The following ROBO1 variants were observed in gnomAD, a reference collection of about 807,000 sequenced individuals.
The protein encoded by ROBO1 is roundabout guidance receptor 1.
ROBO1 carries 149 observed loss-of-function variants against 195.9 expected under a neutral mutation model. The ratio of observed to expected loss-of-function variants is 0.76; its 90% CI spans 0.67 to 0.87. The LOEUF (loss-of-function observed/expected upper bound fraction) is 0.87. Among genes scored for constraint, ROBO1 ranks in the 40% least tolerant of loss-of-function variants. The pLI is 0.00. For missense variants in ROBO1, 1,933 were observed against 2,068.3 expected, an observed-to-expected ratio of 0.93 and a Z score of 1.27; for synonymous variants, 816 against 733.2, an observed-to-expected ratio of 1.11 and a Z score of -1.82.
chr3:79,424,329 C>A (rs1257794950), intron 2 of ROBO1, among the ~76,000 whole-genome samples: 2 of 152,096 alleles, frequency 1.3e-5, no homozygotes, highest in African/African-American at 4.8e-5. Flanking sequence ...ACATTTGAGA[C>A]TGTTTCACAC....
intron 4 of ROBO1, among the ~76,000 whole-genome samples, chr3:78,842,139 G>GT (rs34583257): frequency 0.13 from 8,381 of 62,314 alleles, 1,920 homozygotes; most frequent in African/African-American, 0.16. Flanking sequence ...TCGCCAATTT[G>GT]TTTTTTTTTT....
At chr3:79,636,397 T>A (rs7433361) in intron 1 of ROBO1, among the ~76,000 whole-genome samples, 87,201 of 151,566 alleles carry the variant, frequency 0.58, 25,339 homozygotes, top group South Asian at 0.67. Flanking sequence ...ATTGACATCA[T>A]TTTTAACAAG....
chr3:79,256,858 G>A (rs1044185882), intron 2 of ROBO1, among the ~76,000 whole-genome samples: 83 of 152,172 alleles, frequency 5.5e-4, no homozygotes, highest in African/African-American at 1.9e-3. Flanking sequence ...TGTAATTTTT[G>A]CTGTGCACTG....
At chr3:79,426,768 C>G (rs1273368708) in intron 2 of ROBO1, among the ~76,000 whole-genome samples, 4 of 151,980 alleles carry the variant, frequency 2.6e-5, no homozygotes, top group Non-Finnish European at 5.9e-5. Flanking sequence ...GACAGGAAAA[C>G]CATCTAAGGT....
chr3:79,468,074 T>G (rs1938067319), intron 2 of ROBO1, among the ~76,000 whole-genome samples: 1 of 152,196 alleles, frequency 6.6e-6, no homozygotes, highest in African/African-American at 2.4e-5. Flanking sequence ...GTTTACTACT[T>G]CTAGAAGCTT....
At chr3:79,119,125 T>G (rs1030005967) in intron 3 of ROBO1, among the ~76,000 whole-genome samples, 2 of 152,158 alleles carry the variant, frequency 1.3e-5, no homozygotes, top group Non-Finnish European at 2.9e-5. Flanking sequence ...AAAGTGCTAA[T>G]GAGAAACTTT....
At chr3:79,745,260 T>C (rs1222000668) in intron 1 of ROBO1, among the ~76,000 whole-genome samples, 1 of 152,208 alleles carries the variant, frequency 6.6e-6, no homozygotes, top group Non-Finnish European at 1.5e-5. Flanking sequence ...ATGTATGAGA[T>C]GTAACATCTA....
chr3:78,846,106 T>C (rs577414835), intron 4 of ROBO1, among the ~76,000 whole-genome samples: 1 of 152,186 alleles, frequency 6.6e-6, no homozygotes, highest in African/African-American at 2.4e-5. Flanking sequence ...ACTAGGGAGA[T>C]GGTAAGAAAG....
chr3:78,731,016 G>A (rs1468289036), intron 5 of ROBO1, among the ~76,000 whole-genome samples: 2 of 151,918 alleles, frequency 1.3e-5, no homozygotes, highest in Non-Finnish European at 2.9e-5. Flanking sequence ...TTAACTCATG[G>A]ACAAATAAGA....
intron 8 of ROBO1, among the ~76,000 whole-genome samples, chr3:78,706,816 A>G (rs1297631278): frequency 6.6e-6 from 1 of 152,148 alleles, no homozygotes; most frequent in East Asian, 1.9e-4. Context: ...AAAAGGCAAA[A>G]TAAGTAGGAT....
At chr3:79,756,026 C>G (rs1291969534) in intron 1 of ROBO1, among the ~76,000 whole-genome samples, 1 of 152,186 alleles carries the variant, frequency 6.6e-6, no homozygotes, top group Non-Finnish European at 1.5e-5. Flanking sequence ...CTCACCAGCT[C>G]TCATATCCAG....
rs1705808355 is a variant in ROBO1 at position 78,639,724 on chromosome 3, G to C, written c.3037+20C>G. On this transcript the variant is annotated intron_variant, in intron 22 of 30. Coordinates refer to ENST00000464233, the MANE Select transcript of ROBO1 (RefSeq NM_002941.4). ...TCCTTAAAAAGCTTATACATATCAG[G>C]CTCTCTCTGTGTCCCTAACCTGGGC... 14 of 1,604,180 alleles carry C rather than the reference G, an allele frequency of 8.7e-6. No individual in the cohort carries two copies. Among genetic ancestry groups the C allele is most frequent in the Non-Finnish European group, 1.1e-5 (13 of 1,173,608 alleles).
intron 2 of ROBO1, among the ~76,000 whole-genome samples, chr3:79,259,822 G>C (rs34675096): frequency 0.031 from 4,700 of 152,110 alleles, 101 homozygotes; most frequent in Non-Finnish European, 0.048. Context: ...AATAAAACAT[G>C]ATAATCTGCT....
In ROBO1 at chr3:79,264,657, T is replaced by C. The variant is rs1253790153; in HGVS notation, c.89-139118A>G. ...AAAAATATGTTCCTCACCTCAGGAA[T>C]AGGATACTTGACTAAAGTAGGGAAG... is the stretch of plus-strand genomic sequence containing the variant. On this transcript the variant is annotated intron_variant, in intron 2 of 30. Transcript: ENST00000464233. Among the ~76,000 whole-genome samples, 3 of 152,068 alleles carry C rather than the reference T, an allele frequency of 2.0e-5. No homozygotes were observed. The East Asian group carries it at 5.8e-4, about 29-fold the overall frequency.
At chr3:79,483,413 C>T (rs939173348) in intron 2 of ROBO1, among the ~76,000 whole-genome samples, 2 of 152,082 alleles carry the variant, frequency 1.3e-5, no homozygotes, top group African/African-American at 4.8e-5. Flanking sequence ...GATAAATTGC[C>T]TCTGAATAAA....
chr3:79,178,654 C>T (rs555802477), intron 2 of ROBO1, among the ~76,000 whole-genome samples: 6 of 152,280 alleles, frequency 3.9e-5, no homozygotes, highest in African/African-American at 7.2e-5. Context: ...AGGCATTTGG[C>T]GCCAAGTGGC....
intron 2 of ROBO1, among the ~76,000 whole-genome samples, chr3:79,160,987 A>G (rs1249044990): frequency 1.3e-5 from 2 of 152,074 alleles, no homozygotes; most frequent in African/African-American, 4.8e-5. Flanking sequence ...GAGTTTAATA[A>G]TCATATGTCA....
At chr3:78,877,500 AAG>A (rs1160722535) in intron 4 of ROBO1, among the ~76,000 whole-genome samples, 7 of 152,104 alleles carry the variant, frequency 4.6e-5, no homozygotes, top group African/African-American at 1.7e-4. Context: ...GAATTTCAAA[AAG>A]AAAAAAAATC....
At chr3:78,657,432 C>T (rs1707109290) in intron 17 of ROBO1, among the ~76,000 whole-genome samples, 163 bp from the exon 18 acceptor site, 2 of 152,100 alleles carry the variant, frequency 1.3e-5, no homozygotes, top group Admixed American at 6.5e-5. Context: ...GTTCTATGAA[C>T]AATCTTCTGG....
Sources: gnomAD v4.1 joint callset for allele counts (sites outside exome capture counted in the v4.1 genomes callset) on GRCh38, gnomAD v4.1.1 for gene constraint, MANE v1.5 for transcripts, NCBI Gene and HGNC (gene_info 2026-07-23, HGNC 2026-07-21) for gene names.